Variants in AOPEP observed in about 807,000 individuals in gnomAD.
AOPEP encodes the protein aminopeptidase O.
A neutral mutation model predicts 98.1 loss-of-function variants in AOPEP; 77 were observed. The ratio of observed to expected loss-of-function variants is 0.78; its 90% CI spans 0.65 to 0.95. AOPEP has a LOEUF of 0.95. Among genes scored for constraint, AOPEP ranks in the 40% least tolerant of loss-of-function variants. The probability of loss-of-function intolerance (pLI) is 0.00; values close to 1 mark genes in which losing one functional copy is unlikely to be tolerated. For missense variants in AOPEP, 1,024 were observed against 1,024.7 expected, an observed-to-expected ratio of 1.00 and a Z score of 0.01; for synonymous variants, 346 against 365.3, an observed-to-expected ratio of 0.95 and a Z score of 0.60.
intron 13 of AOPEP, among the ~76,000 whole-genome samples, chr9:95,023,698 G>A (rs576516126): frequency 3.9e-5 from 6 of 152,166 alleles, no homozygotes; most frequent in South Asian, 4.2e-4. Flanking sequence ...CCTGACCCCC[G>A]CCTCCCAGCA....
chr9:95,022,487 G>A (rs182647598), intron 13 of AOPEP, among the ~76,000 whole-genome samples: 3 of 152,230 alleles, frequency 2.0e-5, no homozygotes, highest in South Asian at 2.1e-4. Context: ...ACGGGTGCCC[G>A]CCACCATGCC....
At chr9:95,009,443 C>A (rs1247932719) in intron 13 of AOPEP, among the ~76,000 whole-genome samples, 2 of 152,002 alleles carry the variant, frequency 1.3e-5, no homozygotes, top group Non-Finnish European at 2.9e-5. Flanking sequence ...TTTTCAGATT[C>A]AAAGGAAGCA....
chr9:95,067,263 C>CG (rs2068005300), intron 14 of AOPEP, among the ~76,000 whole-genome samples: 1 of 152,172 alleles, frequency 6.6e-6, no homozygotes, highest in Admixed American at 6.5e-5. Context: ...AGTCAGCTTG[C>CG]GGAAGCACGT....
At chr9:94,990,643 C>G (rs1429519460) in intron 11 of AOPEP, among the ~76,000 whole-genome samples, 1 of 149,562 alleles carries the variant, frequency 6.7e-6, no homozygotes, top group Non-Finnish European at 1.5e-5. Context: ...TAATTAATTT[C>G]TGAGGTGGAG....
At chr9:95,061,500 C>T (rs1209301616) in intron 14 of AOPEP, among the ~76,000 whole-genome samples, 3 of 152,144 alleles carry the variant, frequency 2.0e-5, no homozygotes, top group African/African-American at 7.2e-5. Context: ...GTACAGCAGC[C>T]ATTAGCCATG....
the AOPEP span, among the ~76,000 whole-genome samples, chr9:95,115,874 T>C: frequency 6.6e-6 from 1 of 152,242 alleles, no homozygotes; most frequent in African/African-American, 2.4e-5. Context: ...TCGTAAGTGA[T>C]CCTCTTTTAC....
intron 14 of AOPEP, among the ~76,000 whole-genome samples, chr9:95,075,500 C>T (rs1171829111): frequency 6.6e-6 from 1 of 152,120 alleles, no homozygotes; most frequent in African/African-American, 2.4e-5. Flanking sequence ...AAACACTCAA[C>T]AGATTAACTA....
chr9:94,996,387 TGTGTGA>T (rs1470694729), intron 11 of AOPEP, among the ~76,000 whole-genome samples: 113 of 143,850 alleles, frequency 7.9e-4, no homozygotes, highest in Non-Finnish European at 1.5e-3. Flanking sequence ...TGTGTGTGTG[TGTGTGA>T]GAGAGAGATT....
At chr9:94,793,634 G>T (rs1310101513) in intron 4 of AOPEP, among the ~76,000 whole-genome samples, 2 of 151,102 alleles carry the variant, frequency 1.3e-5, no homozygotes, top group Non-Finnish European at 2.9e-5. Context: ...CCAAGATTGC[G>T]CCACCGCACT....
chr9:94,733,209 C>T (rs1203744068), intron 1 of AOPEP, among the ~76,000 whole-genome samples: 1 of 150,554 alleles, frequency 6.6e-6, no homozygotes, highest in Non-Finnish European at 1.5e-5. Flanking sequence ...CAGGCTCAAG[C>T]GATCCTCCTG....
intron 3 of AOPEP, among the ~76,000 whole-genome samples, chr9:94,781,420 C>T (rs1270350229): frequency 6.6e-6 from 1 of 152,078 alleles, no homozygotes; most frequent in Non-Finnish European, 1.5e-5. Context: ...GTAACAAAAT[C>T]GACTTCAGGG....
the AOPEP span, among the ~76,000 whole-genome samples, chr9:95,096,289 G>A: frequency 6.6e-6 from 1 of 152,174 alleles, no homozygotes; most frequent in African/African-American, 2.4e-5. Context: ...AGTGAGTAGC[G>A]GGGAGTGACA....
At chr9:94,733,462 T>C (rs771610095) in intron 1 of AOPEP, among the ~76,000 whole-genome samples, 2 of 152,194 alleles carry the variant, frequency 1.3e-5, no homozygotes, top group Non-Finnish European at 2.9e-5. Context: ...ACATGGCAAA[T>C]TGTAATGTTA....
At chr9:94,788,711 G>A (rs1158360617) in intron 3 of AOPEP, among the ~76,000 whole-genome samples, 1 of 152,192 alleles carries the variant, frequency 6.6e-6, no homozygotes, top group East Asian at 1.9e-4. Context: ...CCTAGACAGT[G>A]AAAGCCTGGC....
In AOPEP at chr9:94,991,660, TCTTTTTCTTGAAG is replaced by T. The variant is rs1209464154; in HGVS notation, c.1977+12236_1977+12248del. 3.3e-5 allele frequency among the ~76,000 whole-genome samples: 5 copies of T among 152,222 alleles called. No individual in the cohort carries two copies. In the South Asian group the frequency reaches 1.0e-3, roughly 32 times the overall value. On this transcript the variant is annotated intron_variant, in intron 11 of 16. Coordinates refer to ENST00000375315, the MANE Select transcript of AOPEP (RefSeq NM_001193329.3). ...GTGATGATTTTTCATTAATGACTCCTCTTTTTCTTGAAGCTGTTTGTTCCTATTCTTTCACAGA... is the reference window on the plus strand; with the variant it reads ...GTGATGATTTTTCATTAATGACTCCTCTGTTTGTTCCTATTCTTTCACAGA...
intron 5 of AOPEP, among the ~76,000 whole-genome samples, chr9:94,890,255 C>T (rs143086686): frequency 0.054 from 8,142 of 150,184 alleles, 756 homozygotes; most frequent in African/African-American, 0.19. Context: ...CAGGCTGGAG[C>T]GCAGTGGCAT....
At chr9:95,130,491 C>T in the AOPEP span, among the ~76,000 whole-genome samples, 4 of 152,292 alleles carry the variant, frequency 2.6e-5, no homozygotes, top group Middle Eastern at 3.4e-3. Context: ...TAGATATATT[C>T]GCCTTAAAAA....
chr9:95,033,395 C>G (rs929693434), intron 13 of AOPEP, among the ~76,000 whole-genome samples: 1 of 152,108 alleles, frequency 6.6e-6, no homozygotes, highest in Non-Finnish European at 1.5e-5. Flanking sequence ...CAGTTTCCCT[C>G]TCCTCCCTCC....
At chr9:95,083,630 G>GCACACACAC (rs1288027130) in intron 16 of AOPEP, among the ~76,000 whole-genome samples, 4 of 145,700 alleles carry the variant, frequency 2.7e-5, no homozygotes. Context: ...ACTGCATGCA[G>GCACACACAC]CACACACACC....
Sources: allele counts gnomAD v4.1 joint callset (sites outside exome capture counted in the v4.1 genomes callset), GRCh38; gene constraint gnomAD v4.1.1; transcripts MANE v1.5; gene names NCBI Gene and HGNC (gene_info 2026-07-23, HGNC 2026-07-21).